MRPS10: variants seen among roughly 807,000 people sequenced by gnomAD.
MRPS10 encodes small ribosomal subunit protein uS10m.
A neutral mutation model predicts 27.5 loss-of-function variants in MRPS10; 23 were observed. The observed-to-expected ratio is 0.84, with a 90% CI of 0.60 to 1.18. The LOEUF (loss-of-function observed/expected upper bound fraction) is 1.18. Ranked by LOEUF, MRPS10 falls within the 50% of genes most tolerant of loss-of-function variation. MRPS10 has a pLI of 0.00. For synonymous variants in MRPS10, 88 were observed against 84.2 expected (o/e 1.04, Z -0.25); for missense variants, 237 against 240.1 (o/e 0.99, Z 0.09).
At chr6:42,212,418 C>T (rs1430985251) in intron 3 of MRPS10, among the ~76,000 whole-genome samples, 1 of 152,158 alleles carries the variant, frequency 6.6e-6, no homozygotes, top group African/African-American at 2.4e-5. Flanking sequence ...GATTAAAGTG[C>T]TTATTAATTA....
chr6:42,210,300 T>C (rs543298471), intron 5 of MRPS10, among the ~76,000 whole-genome samples, 188 bp downstream of exon 5: 16 of 151,166 alleles, frequency 1.1e-4, no homozygotes, highest in African/African-American at 3.9e-4. Context: ...CTCTAAAGGA[T>C]TGCTTTATTT....
At chr6:42,216,062 C>T (rs1428728328) in intron 1 of MRPS10, among the ~76,000 whole-genome samples, 3 of 128,794 alleles carry the variant, frequency 2.3e-5, no homozygotes, top group South Asian at 2.3e-4. Context: ...CTTGCTCTGT[C>T]GCCCAGGCTG....
chr6:42,212,512 AAAC>A (rs1218559217), intron 3 of MRPS10, among the ~76,000 whole-genome samples: 4 of 152,320 alleles, frequency 2.6e-5, no homozygotes, highest in Middle Eastern at 3.4e-3. Context: ...CTGCCCTAAT[AAAC>A]AAATTACTCA....
intron 1 of MRPS10, among the ~76,000 whole-genome samples, chr6:42,216,480 A>C (rs1380933227): frequency 1.3e-5 from 2 of 149,744 alleles, no homozygotes; most frequent in Non-Finnish European, 3.0e-5. Flanking sequence ...CAGTTCAAAA[A>C]TTTCAATCTC....
rs1768990313 is a variant in MRPS10 at position 42,217,838 on chromosome 6, C to G, written c.12G>C (p.Arg4=). 1.9e-6 allele frequency: 3 copies of G among 1,614,050 alleles called. No homozygotes were observed. The highest frequency in any genetic ancestry group is 1.7e-5 in the Admixed American group (1 of 59,998). Residue 4 remains arginine, a synonymous_variant, in exon 1 of 7, where the codon CGG becomes CGC. Transcript: ENST00000053468. ...GCCGGCACACAGCACCGAACGCTGTCCGCGCCGCCATCTTGCCGGTCCCGA... is the reference window on the plus strand; with the variant it reads ...GCCGGCACACAGCACCGAACGCTGTGCGCGCCGCCATCTTGCCGGTCCCGA... MAA[R]TAFGAVCRRL...
At chr6:42,210,053 C>G (rs1182597824) in intron 5 of MRPS10, among the ~76,000 whole-genome samples, 1 of 152,200 alleles carries the variant, frequency 6.6e-6, no homozygotes, top group Admixed American at 6.5e-5. Flanking sequence ...GGCAGTCTGA[C>G]TCCAGAACCT....
At chr6:42,214,747 TTTG>T in intron 1 of MRPS10, among the ~76,000 whole-genome samples, 1 of 152,248 alleles carries the variant, frequency 6.6e-6, no homozygotes, top group East Asian at 1.9e-4. Flanking sequence ...GTTTTTATAA[TTTG>T]TTAAGAGTTG....
chr6:42,212,358 C>T (rs1314034256), intron 3 of MRPS10, among the ~76,000 whole-genome samples: 1 of 152,040 alleles, frequency 6.6e-6, no homozygotes, highest in Non-Finnish European at 1.5e-5. Context: ...AGAGGGTAAA[C>T]CTATGCTATT....
intron 3 of MRPS10, 78 bp downstream of exon 3, chr6:42,214,042 G>GAA: frequency 7.9e-7 from 1 of 1,269,752 alleles, no homozygotes; most frequent in Non-Finnish European, 1.1e-6. Flanking sequence ...AGTGTTTGGG[G>GAA]AAAAAAAACC....
At chr6:42,215,264 G>T (rs1321815340) in intron 1 of MRPS10, among the ~76,000 whole-genome samples, 2 of 143,132 alleles carry the variant, frequency 1.4e-5, no homozygotes, top group African/African-American at 5.2e-5. Context: ...TGGCGGTGCG[G>T]TTGTGATCCT....
intron 5 of MRPS10, among the ~76,000 whole-genome samples, chr6:42,209,811 C>G (rs1768725852): frequency 6.8e-6 from 1 of 148,120 alleles, no homozygotes; most frequent in Non-Finnish European, 1.5e-5. Context: ...TATTTGTGCC[C>G]TCAATGACTA....
At chr6:42,211,353 G>A (rs9369350) in intron 4 of MRPS10, among the ~76,000 whole-genome samples, 83,045 of 151,856 alleles carry the variant, frequency 0.55, 24,554 homozygotes, top group East Asian at 0.83. Context: ...ACAAACTTAA[G>A]CTCTACCCAC....
chr6:42,214,922 A>G (rs1160831721), intron 1 of MRPS10, among the ~76,000 whole-genome samples: 1 of 152,138 alleles, frequency 6.6e-6, no homozygotes, highest in Non-Finnish European at 1.5e-5. Context: ...CAACGAACCC[A>G]CATTTCCAAA....
chr6:42,209,305 A>C (rs1451320296), intron 5 of MRPS10, among the ~76,000 whole-genome samples: 2 of 152,104 alleles, frequency 1.3e-5, no homozygotes, highest in African/African-American at 2.4e-5. Context: ...GCCTCCCCTA[A>C]AGAATCTAAC....
At chr6:42,211,401 C>T (rs766707969) in intron 4 of MRPS10, among the ~76,000 whole-genome samples, 2 of 152,164 alleles carry the variant, frequency 1.3e-5, no homozygotes, top group Non-Finnish European at 2.9e-5. Flanking sequence ...TCAGACTGGG[C>T]CAGGTGCAGT....
chr6:42,216,385 A>AGTGTGTGTGTGTGTGTGTGTGTGT (rs1225590522), intron 1 of MRPS10, among the ~76,000 whole-genome samples: 66 of 58,466 alleles, frequency 1.1e-3, no homozygotes, highest in Middle Eastern at 7.7e-3. Context: ...AGAGAGAGAG[A>AGTGTGTGTGTGTGTGTGTGTGTGT]GTGTGTGTGT....
At chr6:42,216,537 G>A (rs1213367502) in intron 1 of MRPS10, among the ~76,000 whole-genome samples, 2 of 151,068 alleles carry the variant, frequency 1.3e-5, no homozygotes, top group Admixed American at 6.6e-5. Flanking sequence ...CAGGCCGGGT[G>A]CGGTGGCTCA....
rs1768730533 is a variant in MRPS10, at chr6:42,209,956, G to GA, written c.432+531_432+532insT. On this transcript the variant is annotated intron_variant, in intron 5 of 6. Transcript: ENST00000053468. ...TCCTCACACTAACCTTATGAGATGG[G>GA]TACCACTATTATTCCCATTTTATAG... Among the ~76,000 whole-genome samples, 4 of 152,082 alleles carry GA rather than the reference G, an allele frequency of 2.6e-5. No homozygotes were observed. The South Asian group carries it at 8.3e-4, about 32-fold the overall frequency.
chr6:42,217,860 C>T lies in MRPS10; in HGVS notation c.-11G>A, dbSNP rs760925577. On this transcript the variant is annotated 5_prime_UTR_variant, in exon 1 of 7. Transcript: ENST00000053468. Reference sequence around the variant, plus strand: ...TGTCCGCGCCGCCATCTTGCCGGTCCCGACCTCTCAGGATTGCTTCCGGGG... The same window carrying T: ...TGTCCGCGCCGCCATCTTGCCGGTCTCGACCTCTCAGGATTGCTTCCGGGG... 3 of 1,613,680 alleles carry T rather than the reference C, an allele frequency of 1.9e-6. No individual in the cohort carries two copies. The highest frequency in any genetic ancestry group is 1.7e-6 in the Non-Finnish European group (2 of 1,179,888).
Sources: gnomAD v4.1 joint callset for allele counts (sites outside exome capture counted in the v4.1 genomes callset) on GRCh38, gnomAD v4.1.1 for gene constraint, MANE v1.5 for transcripts, NCBI Gene and HGNC (gene_info 2026-07-23, HGNC 2026-07-21) for gene names.